HADHA: variants seen among roughly 807,000 people sequenced by gnomAD.
HADHA encodes trifunctional enzyme subunit alpha, mitochondrial.
HADHA carries 59 observed loss-of-function variants against 91.3 expected under a neutral mutation model. That is an observed-to-expected ratio of 0.65 (90% confidence interval 0.52 to 0.80). The LOEUF (loss-of-function observed/expected upper bound fraction) is 0.80. HADHA is among the 30% of genes least tolerant of loss of function. The probability of loss-of-function intolerance (pLI) is 0.00; values close to 1 mark genes in which losing one functional copy is unlikely to be tolerated. For synonymous variants in HADHA, 320 were observed against 338.9 expected (o/e 0.94, Z 0.61); for missense variants, 800 against 927.6 (o/e 0.86, Z 1.79).
At chr2:26,195,062 A>C (rs758947464) in intron 15 of HADHA, 30 bp downstream of exon 15, 1 of 1,594,630 alleles carries the variant, frequency 6.3e-7, no homozygotes, top group South Asian at 1.1e-5. Flanking sequence ...CTTTTCAAAA[A>C]CTCTGCAGCT....
intron 3 of HADHA, among the ~76,000 whole-genome samples, chr2:26,238,206 A>G (rs1670808988): frequency 6.6e-6 from 1 of 152,096 alleles, no homozygotes; most frequent in Non-Finnish European, 1.5e-5. Context: ...AGGTCTTGCT[A>G]TGTTGCCCAG....
At chr2:26,241,021 T>G (rs948170423) in intron 1 of HADHA, among the ~76,000 whole-genome samples, 8 of 152,038 alleles carry the variant, frequency 5.3e-5, no homozygotes, top group Non-Finnish European at 1.2e-4. Flanking sequence ...GCTTTTGGAG[T>G]CTAGCCTTAC....
intron 7 of HADHA, among the ~76,000 whole-genome samples, chr2:26,225,961 AT>A (rs1046399910): frequency 7.2e-5 from 11 of 151,908 alleles, no homozygotes; most frequent in East Asian, 5.8e-4. Context: ...GAATCTATTA[AT>A]AAAAAAGGCT....
intron 13 of HADHA, among the ~76,000 whole-genome samples, chr2:26,198,507 C>T (rs749947678): frequency 8.6e-5 from 13 of 151,314 alleles, no homozygotes; most frequent in Admixed American, 4.0e-4. Context: ...GGATGAGAAA[C>T]GTGGAAGGGA....
At chr2:26,236,380 C>CTGTGTGTGTGTG (rs201544302) in intron 4 of HADHA, among the ~76,000 whole-genome samples, 2 of 111,086 alleles carry the variant, frequency 1.8e-5, no homozygotes, top group African/African-American at 7.1e-5. Context: ...TATATATACT[C>CTGTGTGTGTGTG]TGTGTGTGTG....
chr2:26,244,475 C>G, intron 1 of HADHA, 55 bp downstream of exon 1: 1 of 1,533,390 alleles, frequency 6.5e-7, no homozygotes, highest in Non-Finnish European at 8.8e-7. Flanking sequence ...GGGGCCACCC[C>G]AGTCCCGGCA....
At chr2:26,230,986 G>C (rs1399689444) in intron 6 of HADHA, among the ~76,000 whole-genome samples, 2 of 151,808 alleles carry the variant, frequency 1.3e-5, no homozygotes, top group African/African-American at 2.4e-5. Flanking sequence ...TGATAGTTTT[G>C]ACAAAGTCTT....
At chr2:26,201,951 C>T (rs1392112181) in intron 12 of HADHA, among the ~76,000 whole-genome samples, 8 of 139,324 alleles carry the variant, frequency 5.7e-5, no homozygotes, top group East Asian at 1.9e-4. Flanking sequence ...CCCACCACCA[C>T]GCCTGGCTAA....
At chr2:26,199,851 A>G (rs948058865) in intron 13 of HADHA, among the ~76,000 whole-genome samples, 3 of 152,152 alleles carry the variant, frequency 2.0e-5, no homozygotes, top group African/African-American at 7.2e-5. Context: ...GGACTATGAG[A>G]GATGTGGGGG....
chr2:26,199,791 G>A (rs1457647607), intron 13 of HADHA, among the ~76,000 whole-genome samples: 1 of 152,086 alleles, frequency 6.6e-6, no homozygotes, highest in Non-Finnish European at 1.5e-5. Context: ...TCTCTTGGAA[G>A]CCTGCAGCCA....
rs925487274 is a variant in HADHA at position 26,192,512 on chromosome 2, C to T, written c.1886-88G>A. ...TTCTCAGAACCCTGGCCTGGCCAGG[C>T]GTGGTGGCTCACGCCTGTAATCCCA... is the stretch of plus-strand genomic sequence containing the variant. On this transcript the variant is annotated intron_variant, in intron 17 of 19. Transcript: ENST00000380649. 95 of 802,708 alleles carry T rather than the reference C, an allele frequency of 1.2e-4. No individual in the cohort carries two copies. The African/African-American group carries it at 1.2e-3, about 10-fold the overall frequency. The allele number at this position is 802,708 out of a possible 1,614,324, so 49.7% of individuals were successfully genotyped here.
Position 26,191,221 on chromosome 2 carries a change from G to A in HADHA, c.*29C>T, listed in dbSNP as rs563771012. 3 of 1,608,542 alleles carry A rather than the reference G, an allele frequency of 1.9e-6. No individual in the cohort carries two copies. Among genetic ancestry groups the A allele is most frequent in the African/African-American group, 1.3e-5 (1 of 74,920 alleles). ...AGCACTGCCGGCAGCTGGGGTTAGT[G>A]CACTGACTGAGCGAGGCATGAGGCC... On this transcript the variant is annotated 3_prime_UTR_variant, in exon 20 of 20. Coordinates refer to ENST00000380649, the MANE Select transcript of HADHA (RefSeq NM_000182.5).
intron 11 of HADHA, among the ~76,000 whole-genome samples, chr2:26,208,212 T>G (rs1670012983): frequency 6.6e-6 from 1 of 152,172 alleles, no homozygotes; most frequent in African/African-American, 2.4e-5. Context: ...TGTTATAGTC[T>G]TCTTCTGCAT....
In HADHA at chr2:26,221,315, T is replaced by G. The variant is rs908292903; in HGVS notation, c.677-6140A>C. On this transcript the variant is annotated intron_variant, in intron 7 of 19. Transcript: ENST00000380649. The surrounding 1 kb of genome is among the most constrained non-coding windows in gnomAD (Gnocchi z 4.8). ...CTTTAATAGATCTCTATTAGGTGAA[T>G]CACAACACAGACCCTTAGGATTTTA... Among the ~76,000 whole-genome samples the G allele has an allele frequency of 6.6e-6, 1 of 152,108 alleles. No individual in the cohort carries two copies. The highest frequency in any genetic ancestry group is 6.6e-5 in the Admixed American group (1 of 15,266).
At position 26,221,845 on chromosome 2, in the gene HADHA, T is replaced by C. The variant is rs1441869754; in HGVS notation, c.677-6670A>G. Among the ~76,000 whole-genome samples, 1 of 152,202 alleles carries C rather than the reference T, an allele frequency of 6.6e-6. No homozygotes were observed. The highest frequency in any genetic ancestry group is 1.5e-5 in the Non-Finnish European group (1 of 68,034). ...ATAGCCTCCCAGTGGGCAGTACTTC[T>C]GACAGTGCACCCGGTTGTTCATTTT... On this transcript the variant is annotated intron_variant, in intron 7 of 19. Coordinates refer to ENST00000380649, the MANE Select transcript of HADHA (RefSeq NM_000182.5). The surrounding 1 kb of genome is among the most constrained non-coding windows in gnomAD (Gnocchi z 4.8).
intron 7 of HADHA, among the ~76,000 whole-genome samples, chr2:26,219,331 T>A (rs1376594123): frequency 6.6e-6 from 1 of 152,048 alleles, no homozygotes; most frequent in Non-Finnish European, 1.5e-5. Flanking sequence ...TTTCACCATG[T>A]TAGCCAGGAC....
At chr2:26,207,542 A>G (rs1202181931) in intron 11 of HADHA, among the ~76,000 whole-genome samples, 1 of 152,204 alleles carries the variant, frequency 6.6e-6, no homozygotes, top group Non-Finnish European at 1.5e-5. Flanking sequence ...AACAATGTAG[A>G]GTTAAATTAA....
chr2:26,208,716 G>A (rs1295023329), intron 11 of HADHA, among the ~76,000 whole-genome samples: 1 of 152,150 alleles, frequency 6.6e-6, no homozygotes, highest in East Asian at 1.9e-4. Context: ...TTTTCCTCCT[G>A]CAACATGGAA....
At chr2:26,212,686 T>C (rs1168242168) in intron 9 of HADHA, 60 bp from the exon 10 acceptor site, 52 of 1,107,826 alleles carry the variant, frequency 4.7e-5, no homozygotes, top group Non-Finnish European at 7.1e-5. Context: ...TGTACAATAA[T>C]GCTGAATAAA....
Sources: gnomAD v4.1 joint callset for allele counts (sites outside exome capture counted in the v4.1 genomes callset) on GRCh38, gnomAD v4.1.1 for gene constraint, Gnocchi (gnomAD v3.1) non-coding constraint, MANE v1.5 for transcripts, NCBI Gene and HGNC (gene_info 2026-07-23, HGNC 2026-07-21) for gene names.